Variants in RGS22 observed in about 807,000 individuals in gnomAD.
RGS22 encodes the protein regulator of G protein signaling 22.
Under a neutral mutation model 172.9 loss-of-function variants are expected in RGS22, and 148 were observed. The observed-to-expected ratio is 0.86, with a 90% CI of 0.75 to 0.98. The LOEUF (loss-of-function observed/expected upper bound fraction) is 0.98. Among genes scored for constraint, RGS22 ranks in the 50% least tolerant of loss-of-function variants. The pLI is 0.00. For synonymous variants in RGS22, 458 were observed against 480.2 expected (o/e 0.95, Z 0.60); for missense variants, 1,347 against 1,440.8 (o/e 0.93, Z 1.05).
chr8:100,094,806 T>A (rs1181010718), intron 2 of RGS22, among the ~76,000 whole-genome samples: 6 of 152,238 alleles, frequency 3.9e-5, no homozygotes, highest in African/African-American at 1.4e-4. Flanking sequence ...TTTAGTGGAC[T>A]ATCTAGTTTT....
chr8:99,966,695 T>C (rs1334389691), intron 23 of RGS22, among the ~76,000 whole-genome samples: 1 of 152,140 alleles, frequency 6.6e-6, no homozygotes, highest in African/African-American at 2.4e-5. Flanking sequence ...GTAAGAACAT[T>C]TCATGCCTTT....
In RGS22 at chr8:100,051,682, CATATATATATTT is replaced by C. The variant is rs1563670459; in HGVS notation, c.1689+1108_1689+1119del. 1.2e-3 allele frequency among the ~76,000 whole-genome samples: 21 copies of C among 17,162 alleles called. 9 individuals carry two copies. The highest frequency in any genetic ancestry group is 9.0e-3 in the African/African-American group (21 of 2,330). 11.3% of individuals were successfully genotyped at this position (17,162 alleles called of 152,430 possible). A position where few individuals can be genotyped will look rare whatever the true frequency, so the allele number is the denominator to read the frequency against. On this transcript the variant is annotated intron_variant, in intron 10 of 27. Coordinates refer to ENST00000360863, the MANE Select transcript of RGS22 (RefSeq NM_015668.5). ...AAATATATATTTATATATGTTTATA[CATATATATATTT>C]ATATATACGTATATATAAATATATA...
At chr8:100,063,336 T>C in intron 8 of RGS22, 80 bp downstream of exon 8, 2 of 1,018,276 alleles carry the variant, frequency 2.0e-6, no homozygotes, top group Non-Finnish European at 2.7e-6. Flanking sequence ...TACTTTGGGC[T>C]TTCTCCCTGT....
intron 14 of RGS22, among the ~76,000 whole-genome samples, chr8:100,021,942 T>C (rs1318839634): frequency 3.3e-5 from 5 of 152,126 alleles, no homozygotes; most frequent in African/African-American, 1.2e-4. Context: ...ATTATCTGAG[T>C]TCATATGCGG....
At chr8:99,987,309 A>G in intron 21 of RGS22, 149 bp downstream of exon 21, 1 of 501,000 alleles carries the variant, frequency 2.0e-6, no homozygotes, top group Non-Finnish European at 3.5e-6. Flanking sequence ...TGGACAATAA[A>G]CATCTCAATA....
At chr8:100,035,240 A>G (rs1819311684) in intron 14 of RGS22, among the ~76,000 whole-genome samples, 1 of 152,046 alleles carries the variant, frequency 6.6e-6, no homozygotes, top group Non-Finnish European at 1.5e-5. Context: ...GAATCTACGA[A>G]GAGCTCAAAC....
intron 14 of RGS22, among the ~76,000 whole-genome samples, chr8:100,036,129 A>T (rs1032775140): frequency 3.3e-5 from 5 of 151,046 alleles, no homozygotes; most frequent in Admixed American, 1.3e-4. Context: ...AAAGAAAAAA[A>T]ATTGAAATAA....
chr8:99,973,836 T>G (rs1588881282), intron 23 of RGS22, among the ~76,000 whole-genome samples: 1 of 143,246 alleles, frequency 7.0e-6, no homozygotes, highest in Admixed American at 7.2e-5. Context: ...GCCACTGCAC[T>G]CCAGCCCGGG....
intron 18 of RGS22, among the ~76,000 whole-genome samples, chr8:99,999,655 T>C (rs1019716629): frequency 1.1e-4 from 17 of 152,290 alleles, no homozygotes; most frequent in African/African-American, 3.1e-4. Flanking sequence ...ACTTATGATA[T>C]ATCAAAAAGA....
chr8:100,001,221 C>T (rs12675686), intron 18 of RGS22, among the ~76,000 whole-genome samples: 19 of 84,614 alleles, frequency 2.2e-4, no homozygotes, highest in African/African-American at 7.8e-4. Context: ...TATATATATA[C>T]ATATATATAT....
chr8:99,999,398 C>CA lies in RGS22; in HGVS notation c.2812dup (p.Trp938LeufsTer7). ...AAGCTGCTCATGAAGAATCTTCCCC[C>CA]AGCCACCACTTAAATGCATTACCTA... On this transcript the variant is annotated frameshift_variant, in exon 19 of 28. Coordinates refer to ENST00000360863, the MANE Select transcript of RGS22 (RefSeq NM_015668.5). LOFTEE classifies it high-confidence loss of function. The CA allele has an allele frequency of 6.2e-7, 1 of 1,613,748 alleles. No homozygotes were observed. The highest frequency in any genetic ancestry group is 1.1e-5 in the South Asian group (1 of 91,008).
chr8:100,092,088 T>C (rs1442934012), intron 3 of RGS22: 2 of 152,200 alleles, frequency 1.3e-5, no homozygotes, highest in East Asian at 1.9e-4. Flanking sequence ...ATAAAACTAA[T>C]CTACACAAGA....
At chr8:99,974,618 T>C (rs1213590816) in intron 23 of RGS22, among the ~76,000 whole-genome samples, 1 of 150,762 alleles carries the variant, frequency 6.6e-6, no homozygotes, top group African/African-American at 2.4e-5. Flanking sequence ...GCCAACATGG[T>C]GAAACCCCAT....
At chr8:100,040,223 T>A in intron 12 of RGS22, 136 bp from the exon 13 acceptor site, 1 of 709,304 alleles carries the variant, frequency 1.4e-6, no homozygotes, top group Non-Finnish European at 2.3e-6. Flanking sequence ...ACCATATATG[T>A]AATTAATGCA....
chr8:99,990,931 T>G (rs1039170032), intron 20 of RGS22, among the ~76,000 whole-genome samples: 60 of 152,114 alleles, frequency 3.9e-4, no homozygotes, highest in African/African-American at 1.4e-3. Flanking sequence ...GCAGCAATAT[T>G]TGCTGTTCTG....
rs1357865386 is a variant in RGS22, at chr8:100,019,728, T to G, written c.2167-11159A>C. Among the ~76,000 whole-genome samples the G allele has an allele frequency of 2.0e-5, 3 of 152,118 alleles. No homozygotes were observed. In the South Asian group the frequency reaches 6.2e-4, roughly 32 times the overall value. On this transcript the variant is annotated intron_variant, in intron 14 of 27. Coordinates refer to ENST00000360863, the MANE Select transcript of RGS22 (RefSeq NM_015668.5). ...ATAAGTCCCTTTTTTTTAGACCCAT[T>G]ACTCGACTAAAAAGTAAAAGAGGGA...
intron 19 of RGS22, among the ~76,000 whole-genome samples, chr8:99,998,704 G>A (rs563406259): frequency 4.1e-4 from 63 of 152,162 alleles, no homozygotes; most frequent in African/African-American, 1.3e-3. Flanking sequence ...AGGCTAGAGT[G>A]CACTGATGTG....
intron 14 of RGS22, among the ~76,000 whole-genome samples, chr8:100,014,610 C>T (rs984081845): frequency 1.3e-5 from 2 of 152,142 alleles, no homozygotes; most frequent in Non-Finnish European, 2.9e-5. Context: ...CTTCGCCAAC[C>T]CTTTCTCTTG....
intron 14 of RGS22, among the ~76,000 whole-genome samples, chr8:100,038,288 C>T (rs1319844071): frequency 2.0e-5 from 3 of 151,870 alleles, no homozygotes; most frequent in Non-Finnish European, 4.4e-5. Context: ...ACAAAAGAGG[C>T]TATTCTGTCT....
Sources: gnomAD v4.1 joint callset for allele counts (sites outside exome capture counted in the v4.1 genomes callset) on GRCh38, gnomAD v4.1.1 for gene constraint, MANE v1.5 for transcripts, NCBI Gene and HGNC (gene_info 2026-07-23, HGNC 2026-07-21) for gene names.